The following TEX264 variants were observed in gnomAD, a reference collection of about 807,000 sequenced individuals.
TEX264 encodes testis-expressed protein 264.
Under a neutral mutation model 23.4 loss-of-function variants are expected in TEX264, and 13 were observed. The ratio of observed to expected loss-of-function variants is 0.56; its 90% CI spans 0.36 to 0.88. TEX264 has a LOEUF of 0.88. Among genes scored for constraint, TEX264 ranks in the 40% least tolerant of loss-of-function variants. TEX264 has a pLI of 0.01. For synonymous variants in TEX264, 159 were observed against 170.0 expected, an observed-to-expected ratio of 0.94 and a Z score of 0.50; for missense variants, 340 against 406.8, an observed-to-expected ratio of 0.84 and a Z score of 1.41.
chr3:51,699,718 A>T (rs960710586), intron 4 of TEX264, 144 bp downstream of exon 4: 6 of 907,466 alleles, frequency 6.6e-6, no homozygotes, highest in Non-Finnish European at 1.0e-5. Context: ...AAGGAGACCC[A>T]CCTACCTGAG....
chr3:51,673,175 C>T (rs1284810790), intron 1 of TEX264, among the ~76,000 whole-genome samples: 2 of 152,156 alleles, frequency 1.3e-5, no homozygotes, highest in African/African-American at 4.8e-5. Flanking sequence ...TTTTTAGCTT[C>T]AAAACCTTTT....
chr3:51,684,552 C>A lies in TEX264; in HGVS notation c.398C>A (p.Thr133Lys). The change falls in exon 3 of 5, where the codon ACA becomes AAA. Residue 133 changes from threonine (T) to lysine (K), a missense_variant. Physicochemically the swap from Thr to Lys is moderately conservative, Grantham distance 78. Coordinates refer to ENST00000341333, the MANE Select transcript of TEX264 (RefSeq NM_015926.6). ...FSFPAPSHVVTATFPYTTILS... is the reference protein window; with the variant it reads ...FSFPAPSHVVKATFPYTTILS... ...TTCCCGGCACCCAGCCATGTGGTGACAGCCACCTTCCCCTACACCACCATT... is the reference window on the plus strand; with the variant it reads ...TTCCCGGCACCCAGCCATGTGGTGAAAGCCACCTTCCCCTACACCACCATT... The A allele has an allele frequency of 6.2e-7, 1 of 1,614,208 alleles. No homozygotes were observed.
chr3:51,696,269 C>A (rs1390164268), intron 3 of TEX264, among the ~76,000 whole-genome samples: 1 of 152,104 alleles, frequency 6.6e-6, no homozygotes, highest in Non-Finnish European at 1.5e-5. Context: ...GCTAGGAGGA[C>A]CCCAGGCCCA....
chr3:51,694,093 T>TTCCG (rs1702959740), intron 3 of TEX264, among the ~76,000 whole-genome samples: 1 of 86,026 alleles, frequency 1.2e-5, no homozygotes, highest in African/African-American at 5.3e-5. Flanking sequence ...CCGTCCTTCC[T>TTCCG]TCCTTCCTTC....
chr3:51,687,048 C>T (rs917839643), intron 3 of TEX264, among the ~76,000 whole-genome samples: 8 of 152,192 alleles, frequency 5.3e-5, no homozygotes, highest in Non-Finnish European at 8.8e-5. Flanking sequence ...CCTTCCTCCC[C>T]GCTCCCATGG....
intron 4 of TEX264, among the ~76,000 whole-genome samples, chr3:51,701,247 G>A (rs1703291141): frequency 6.6e-6 from 1 of 151,936 alleles, no homozygotes; most frequent in African/African-American, 2.4e-5. Context: ...AGGGATGCAG[G>A]CATGGGACTC....
intron 3 of TEX264, among the ~76,000 whole-genome samples, chr3:51,693,480 T>G (rs954688442): frequency 1.2e-4 from 18 of 148,286 alleles, no homozygotes; most frequent in Non-Finnish European, 2.1e-4. Context: ...CATTATGTTT[T>G]TTTTTTTTTT....
chr3:51,695,874 G>T (rs1703037135), intron 3 of TEX264, among the ~76,000 whole-genome samples: 1 of 152,084 alleles, frequency 6.6e-6, no homozygotes, highest in African/African-American at 2.4e-5. Context: ...CTGGTGTCTG[G>T]GGTCTCTTAG....
rs1253328892 is a variant in TEX264, at chr3:51,698,149, C to G, written c.481-1257C>G. Among the ~76,000 whole-genome samples, 3 of 152,096 alleles carry G rather than the reference C, an allele frequency of 2.0e-5. No individual in the cohort carries two copies. In the East Asian group the frequency reaches 5.8e-4, roughly 29 times the overall value. ...GAGGGTCCTAGCTAGGTAAACCTTT[C>G]AGGCTCACTCCTCTTTCCCTTTATC... On this transcript the variant is annotated intron_variant, in intron 3 of 4. Coordinates refer to ENST00000341333, the MANE Select transcript of TEX264 (RefSeq NM_015926.6).
intron 3 of TEX264, among the ~76,000 whole-genome samples, chr3:51,693,573 G>A (rs564516360): frequency 6.8e-5 from 10 of 146,466 alleles, no homozygotes; most frequent in South Asian, 2.2e-4. Context: ...TCTGCCTCCC[G>A]GATTCAAGCA....
intron 3 of TEX264, among the ~76,000 whole-genome samples, chr3:51,689,141 GA>G (rs1226587085): frequency 1.3e-5 from 2 of 151,510 alleles, no homozygotes; most frequent in Non-Finnish European, 1.5e-5. Flanking sequence ...ATAGATAAAT[GA>G]AGGGGGCATG....
chr3:51,698,848 C>T (rs1318039584), intron 3 of TEX264, among the ~76,000 whole-genome samples: 6 of 152,164 alleles, frequency 3.9e-5, no homozygotes, highest in African/African-American at 1.2e-4. Context: ...TTTAGCTGGC[C>T]TTGATCCTTG....
intron 2 of TEX264, among the ~76,000 whole-genome samples, chr3:51,674,768 A>G (rs749344577): frequency 6.6e-6 from 1 of 152,206 alleles, no homozygotes; most frequent in African/African-American, 2.4e-5. Flanking sequence ...CTATTTGCCC[A>G]GGTCTGGTTC....
chr3:51,693,087 C>T (rs1702885472), intron 3 of TEX264, among the ~76,000 whole-genome samples: 2 of 152,226 alleles, frequency 1.3e-5, no homozygotes, highest in Admixed American at 1.3e-4. Context: ...TGTTTCCCCA[C>T]CCCTCAATAC....
In TEX264 at chr3:51,691,906, C is replaced by T. The variant is rs748936319; in HGVS notation, c.480+7272C>T. Reference sequence around the variant, plus strand: ...AGGCGATCCTCCCACCATACCACGGCTTGGCTTCCCCGGCTCCCCTTAGGG... The same window carrying T: ...AGGCGATCCTCCCACCATACCACGGTTTGGCTTCCCCGGCTCCCCTTAGGG... On this transcript the variant is annotated intron_variant, in intron 3 of 4. Transcript: ENST00000341333. The surrounding 1 kb of genome is among the most constrained non-coding windows in gnomAD (Gnocchi z 4.4). Among the ~76,000 whole-genome samples the T allele has an allele frequency of 2.0e-5, 3 of 152,252 alleles. No individual in the cohort carries two copies. The highest frequency in any genetic ancestry group is 2.9e-5 in the Non-Finnish European group (2 of 68,040).
rs1258479186 is a variant in TEX264, at chr3:51,684,556, C to T, written c.402C>T (p.Ala134=). The T allele has an allele frequency of 6.2e-7, 1 of 1,614,092 alleles. No homozygotes were observed. Among genetic ancestry groups the T allele is most frequent in the East Asian group, 2.2e-5 (1 of 44,884 alleles). ...SFPAPSHVVT[A]TFPYTTILSI... is the part of the protein sequence containing the mutation. ...CGGCACCCAGCCATGTGGTGACAGC[C>T]ACCTTCCCCTACACCACCATTCTGT... is the stretch of plus-strand genomic sequence containing the variant. Residue 134 remains alanine (A), a synonymous_variant, in exon 3 of 5, where the codon GCC becomes GCT. Coordinates refer to ENST00000341333, the MANE Select transcript of TEX264 (RefSeq NM_015926.6).
intron 3 of TEX264, chr3:51,694,508 C>T (rs1301137726): frequency 1.3e-5 from 2 of 152,364 alleles, no homozygotes; most frequent in African/African-American, 4.8e-5. Flanking sequence ...CATCCAAGTA[C>T]TAACTAGACC....
At chr3:51,699,635 G>A in intron 4 of TEX264, 61 bp downstream of exon 4, 1 of 1,582,252 alleles carries the variant, frequency 6.3e-7, no homozygotes, top group East Asian at 2.3e-5. Flanking sequence ...TGGACTCCAG[G>A]GGCTTGGTTG....
chr3:51,697,658 T>G (rs1163238683), intron 3 of TEX264, among the ~76,000 whole-genome samples: 1 of 152,170 alleles, frequency 6.6e-6, no homozygotes, highest in East Asian at 1.9e-4. Flanking sequence ...GTTTGCTGAG[T>G]TGGGTTCAGG....
Sources: gnomAD v4.1 joint callset for allele counts (sites outside exome capture counted in the v4.1 genomes callset) on GRCh38, gnomAD v4.1.1 for gene constraint, Gnocchi (gnomAD v3.1) non-coding constraint, MANE v1.5 for transcripts, NCBI Gene and HGNC (gene_info 2026-07-23, HGNC 2026-07-21) for gene names.